ZDHHC23: variants seen among roughly 807,000 people sequenced by gnomAD.
The protein encoded by ZDHHC23 is zDHHC palmitoyltransferase 23.
ZDHHC23 carries 41 observed loss-of-function variants against 40.2 expected under a neutral mutation model. The ratio of observed to expected loss-of-function variants is 1.02; its 90% CI spans 0.79 to 1.32. The LOEUF is 1.32. ZDHHC23 is among the 40% of genes most tolerant of loss of function. The probability of loss-of-function intolerance (pLI) is 0.00; values close to 1 mark genes in which losing one functional copy is unlikely to be tolerated. For missense variants in ZDHHC23, 471 were observed against 541.5 expected, an observed-to-expected ratio of 0.87 and a Z score of 1.29; for synonymous variants, 204 against 210.2, an observed-to-expected ratio of 0.97 and a Z score of 0.26.
In ZDHHC23 at chr3:113,958,642, T is replaced by C. The variant is rs747493762; in HGVS notation, c.*12T>C. The C allele has an allele frequency of 1.6e-5, 26 of 1,594,366 alleles. No homozygotes were observed. Among genetic ancestry groups the C allele is most frequent in the Non-Finnish European group, 2.0e-5 (23 of 1,177,562 alleles). On this transcript the variant is annotated 3_prime_UTR_variant, in exon 5 of 5. Transcript: ENST00000638807. ...AGGACATTGTCTGAAGTGCCTTCTA[T>C]GTGGCTCTCTGAGGGATGATGGCTC... is the stretch of plus-strand genomic sequence containing the variant.
At chr3:113,973,837 A>G in the ZDHHC23 span, among the ~76,000 whole-genome samples, 1 of 151,716 alleles carries the variant, frequency 6.6e-6, no homozygotes, top group East Asian at 1.9e-4. Flanking sequence ...CAAGTTTTGG[A>G]AAGTTTCCTA....
rs987075323 is a variant in ZDHHC23 at position 113,962,431 on chromosome 3, T to C, written c.*3801T>C. On this transcript the variant is annotated 3_prime_UTR_variant, in exon 5 of 5. Transcript: ENST00000638807. ...CGATGTCTAGGTTGGGCTTGTGACT[T>C]CTTAGTGGCCTAGCCTTCTTGATGG... The C allele has an allele frequency of 6.6e-6, 1 of 152,234 alleles. No individual in the cohort carries two copies. Among genetic ancestry groups the C allele is most frequent in the Non-Finnish European group, 1.5e-5 (1 of 68,044 alleles). 9.4% of individuals were successfully genotyped at this position (152,234 alleles called of 1,614,324 possible). A position where few individuals can be genotyped will look rare whatever the true frequency, so the allele number is the denominator to read the frequency against.
At chr3:113,970,717 G>A in the ZDHHC23 span, among the ~76,000 whole-genome samples, 51 of 147,616 alleles carry the variant, frequency 3.5e-4, no homozygotes, top group South Asian at 2.2e-4. Context: ...ATCCCTCCCC[G>A]TCCCCCCACC....
At chr3:113,976,345 A>G in the ZDHHC23 span, among the ~76,000 whole-genome samples, 1 of 152,078 alleles carries the variant, frequency 6.6e-6, no homozygotes, top group Non-Finnish European at 1.5e-5. Context: ...AGACTGATGT[A>G]GCAAGAAGAG....
Position 113,959,927 on chromosome 3 carries a change from T to G in ZDHHC23, c.*1297T>G. 1.0e-6 allele frequency: 1 copy of G among 997,908 alleles called. No homozygotes were observed. Among genetic ancestry groups the G allele is most frequent in the Non-Finnish European group, 1.2e-6 (1 of 834,538 alleles). 61.8% of individuals were successfully genotyped at this position (997,908 alleles called of 1,614,324 possible). Reference sequence around the variant, plus strand: ...TTAAAACCGAAAATGTATAAAAGATTAAATATTTATGTACAATGGGTTGTT... The same window carrying G: ...TTAAAACCGAAAATGTATAAAAGATGAAATATTTATGTACAATGGGTTGTT... On this transcript the variant is annotated 3_prime_UTR_variant, in exon 5 of 5. Transcript: ENST00000638807.
At chr3:113,978,556 A>C in the ZDHHC23 span, 6 of 598,692 alleles carry the variant, frequency 1.0e-5, no homozygotes, top group South Asian at 2.3e-5. Flanking sequence ...TGAAGGGGTA[A>C]GTTTCTAAAT....
In ZDHHC23 at chr3:113,963,051, T is replaced by A. The variant is rs1183120978; in HGVS notation, c.*4421T>A. On this transcript the variant is annotated 3_prime_UTR_variant, in exon 5 of 5. Transcript: ENST00000638807. The stretch of plus-strand genomic sequence containing the variant: ...TGAAAACCCTGCATTATACCTGTGC[T>A]GCCTCTGTGGCTCCCTCAATGTCTC... The A allele has an allele frequency of 1.3e-5, 2 of 152,218 alleles. No individual in the cohort carries two copies. The highest frequency in any genetic ancestry group is 2.9e-5 in the Non-Finnish European group (2 of 68,046). 9.4% of individuals were successfully genotyped at this position (152,218 alleles called of 1,614,324 possible).
Position 113,958,509 on chromosome 3 carries a change from G to A in ZDHHC23, c.1187G>A (p.Arg396Gln), listed in dbSNP as rs1313509874. The stretch of plus-strand genomic sequence containing the variant: ...GCCCTCCGACAGAAGACTGGGCGCC[G>A]GCTCCTCTGCGGGCTCATCGTGGAC... ...QQALRQKTGR[R>Q]LLCGLIVDTG... is the part of the protein sequence containing the mutation. The change falls in exon 5 of 5, where the codon CGG (arginine) becomes CAG (glutamine). Residue 396 changes from arginine to glutamine, a missense_variant. Transcript: ENST00000638807. The A allele has an allele frequency of 2.3e-5, 37 of 1,613,786 alleles. No homozygotes were observed. Among genetic ancestry groups the A allele is most frequent in the Middle Eastern group, 1.6e-4 (1 of 6,084 alleles).
the ZDHHC23 span, among the ~76,000 whole-genome samples, chr3:113,977,712 A>G: frequency 6.6e-6 from 1 of 152,208 alleles, no homozygotes; most frequent in African/African-American, 2.4e-5. Flanking sequence ...TGCGACAGCA[A>G]TGTTCAACGT....
downstream of ZDHHC23, among the ~76,000 whole-genome samples, chr3:113,970,085 C>G (rs149491244): frequency 6.2e-4 from 94 of 152,078 alleles, 1 homozygote; most frequent in African/African-American, 2.2e-3. Context: ...AAGTGGTTCC[C>G]AGGTATTTTA....
At chr3:113,977,132 A>G in the ZDHHC23 span, among the ~76,000 whole-genome samples, 1 of 152,216 alleles carries the variant, frequency 6.6e-6, no homozygotes, top group Non-Finnish European at 1.5e-5. Context: ...CCCTGTTTCT[A>G]CTAAAAAGAC....
chr3:113,949,075 A>C (rs1334807042), intron 2 of ZDHHC23, 112 bp downstream of exon 2: 2 of 1,402,160 alleles, frequency 1.4e-6, no homozygotes, highest in Non-Finnish European at 1.9e-6. Context: ...TTCTATTTCC[A>C]AGCATCTAAA....
rs760635228 is a variant in ZDHHC23, at chr3:113,948,755, C to G, written c.-48C>G. The G allele has an allele frequency of 1.9e-6, 3 of 1,611,124 alleles. No homozygotes were observed. Among genetic ancestry groups the G allele is most frequent in the East Asian group, 2.2e-5 (1 of 44,870 alleles). On this transcript the variant is annotated 5_prime_UTR_variant, in exon 2 of 5. Coordinates refer to ENST00000638807, the MANE Select transcript of ZDHHC23 (RefSeq NM_001320466.2). ...GAGATGTAAGTTGTGTTCTTTCCACCTTTACCTTCTGAGGGCTTCTTACGC... is the reference window on the plus strand; with the variant it reads ...GAGATGTAAGTTGTGTTCTTTCCACGTTTACCTTCTGAGGGCTTCTTACGC...
intron 4 of ZDHHC23, among the ~76,000 whole-genome samples, chr3:113,958,042 T>C (rs995037464): frequency 6.6e-6 from 1 of 152,220 alleles, no homozygotes; most frequent in Non-Finnish European, 1.5e-5. Flanking sequence ...TACGAATTAC[T>C]TGTTTATTTA....
In ZDHHC23 at chr3:113,953,952, C is replaced by A. The variant is rs148932231; in HGVS notation, c.414C>A (p.Thr138=). 168 of 1,613,964 alleles carry A rather than the reference C, an allele frequency of 1.0e-4. No homozygotes were observed. The highest frequency in any genetic ancestry group is 1.6e-4 in the Middle Eastern group (1 of 6,084). ...TCACTCACAGAAGGAAAGAACAGACCCTGTTTTTCCTGAGCCTTGGACTGT... is the reference window on the plus strand; with the variant it reads ...TCACTCACAGAAGGAAAGAACAGACACTGTTTTTCCTGAGCCTTGGACTGT... ...YYLTHRRKEQ[T]LFFLSLGLFS... The change falls in exon 3 of 5, where the codon ACC becomes ACA. Residue 138 remains threonine, a synonymous_variant. Transcript: ENST00000638807.
the ZDHHC23 span, among the ~76,000 whole-genome samples, chr3:113,971,824 T>C: frequency 6.6e-6 from 1 of 152,076 alleles, no homozygotes; most frequent in Non-Finnish European, 1.5e-5. Context: ...TTCTTTTAGG[T>C]GAGACTTTTT....
chr3:113,956,655 A>G (rs183424917), intron 4 of ZDHHC23, 149 bp downstream of exon 4: 2 of 782,834 alleles, frequency 2.6e-6, no homozygotes, highest in Admixed American at 3.3e-5. Context: ...TGCCAGCAAA[A>G]TTGTGCATTG....
chr3:113,978,808 T>A, the ZDHHC23 span: 1 of 1,568,294 alleles, frequency 6.4e-7, no homozygotes, highest in Non-Finnish European at 8.7e-7. Flanking sequence ...TTTTCTTAAA[T>A]AGAATTGAGC....
chr3:113,978,998 GTTC>G, the ZDHHC23 span: 1 of 1,613,530 alleles, frequency 6.2e-7, no homozygotes, highest in Non-Finnish European at 8.5e-7. Flanking sequence ...AAAGAGTAAT[GTTC>G]TTCTGCCACC....
Sources: allele counts gnomAD v4.1 joint callset (sites outside exome capture counted in the v4.1 genomes callset), GRCh38; gene constraint gnomAD v4.1.1; transcripts MANE v1.5; gene names NCBI Gene and HGNC (gene_info 2026-07-23, HGNC 2026-07-21).